Variants in TSPAN13 observed in about 807,000 individuals in gnomAD.
TSPAN13 encodes tetraspanin 13.
Under a neutral mutation model 26.9 loss-of-function variants are expected in TSPAN13, and 18 were observed. The ratio of observed to expected loss-of-function variants is 0.67; its 90% CI spans 0.46 to 0.99. The LOEUF (loss-of-function observed/expected upper bound fraction) is 0.99. TSPAN13 is among the 50% of genes least tolerant of loss of function. The probability of loss-of-function intolerance (pLI) is 0.00; values close to 1 mark genes in which losing one functional copy is unlikely to be tolerated. For missense variants in TSPAN13, 201 were observed against 249.6 expected, an observed-to-expected ratio of 0.81 and a Z score of 1.31; for synonymous variants, 116 against 98.4, an observed-to-expected ratio of 1.18 and a Z score of -1.06.
In TSPAN13 at chr7:16,777,818, T is replaced by A. The variant is rs1241566443; in HGVS notation, c.333T>A (p.Gly111=). The A allele has an allele frequency of 6.2e-7, 1 of 1,613,692 alleles. No individual in the cohort carries two copies. The highest frequency in any genetic ancestry group is 8.5e-7 in the Non-Finnish European group (1 of 1,179,714). Residue 111 remains glycine (G), a synonymous_variant, in exon 4 of 6, where the codon GGT becomes GGA. Transcript: ENST00000262067. ...QEQQGQLLEV[G]WNNTASARND... is the part of the protein sequence containing the mutation. The stretch of plus-strand genomic sequence containing the variant: ...ACTAGGGTCAGCTTCTGGAGGTTGG[T>A]TGGAACAATACGGCAAGTGCTCGAA...
chr7:16,760,676 T>A (rs1784532826), intron 1 of TSPAN13, among the ~76,000 whole-genome samples: 1 of 151,998 alleles, frequency 6.6e-6, no homozygotes, highest in Non-Finnish European at 1.5e-5. Flanking sequence ...CATTAAGAGA[T>A]TCAGGAGATG....
At chr7:16,773,233 C>A (rs1382119403) in intron 1 of TSPAN13, among the ~76,000 whole-genome samples, 1 of 151,094 alleles carries the variant, frequency 6.6e-6, no homozygotes. Flanking sequence ...TCTATACCGA[C>A]TTCTAGAGCA....
intron 5 of TSPAN13, among the ~76,000 whole-genome samples, chr7:16,781,179 CT>C (rs1232060480): frequency 6.6e-6 from 1 of 152,050 alleles, no homozygotes. Context: ...ACTTGAGAAA[CT>C]ACAAAAAATT....
At chr7:16,781,329 T>G (rs1289222520) in intron 5 of TSPAN13, among the ~76,000 whole-genome samples, 2 of 152,210 alleles carry the variant, frequency 1.3e-5, no homozygotes, top group African/African-American at 4.8e-5. Flanking sequence ...ATGTACTTTA[T>G]TTTTCTACAT....
Position 16,777,925 on chromosome 7 carries a change from A to G in TSPAN13, c.426+14A>G. 6.3e-7 allele frequency: 1 copy of G among 1,579,528 alleles called. No individual in the cohort carries two copies. The highest frequency in any genetic ancestry group is 8.7e-7 in the Non-Finnish European group (1 of 1,154,402). ...ACCTGTCTGGCTGTAAGTACATTGT[A>G]TAATATATGTTTTTGGAAATGTATT... On this transcript the variant is annotated intron_variant, in intron 4 of 5. Coordinates refer to ENST00000262067, the MANE Select transcript of TSPAN13 (RefSeq NM_014399.4).
chr7:16,783,230 G>A (rs1054595318), intron 5 of TSPAN13, among the ~76,000 whole-genome samples, 187 bp from the exon 6 acceptor site: 5 of 151,906 alleles, frequency 3.3e-5, no homozygotes, highest in African/African-American at 7.3e-5. Flanking sequence ...CACAGTGTTC[G>A]TTTTAATTTT....
chr7:16,782,000 T>C lies in TSPAN13; in HGVS notation c.541-1417T>C, dbSNP rs1437562480. Among the ~76,000 whole-genome samples, 3 of 152,226 alleles carry C rather than the reference T, an allele frequency of 2.0e-5. No individual in the cohort carries two copies. The East Asian group carries it at 5.8e-4, about 29-fold the overall frequency. ...AACATGGGCTCTACCACTGAGGACC[T>C]GTGTGATTATTTTGTTTAACCTCTT... On this transcript the variant is annotated intron_variant, in intron 5 of 5. Coordinates refer to ENST00000262067, the MANE Select transcript of TSPAN13 (RefSeq NM_014399.4).
chr7:16,754,064 G>A, intron 1 of TSPAN13, 34 bp downstream of exon 1: 1 of 1,607,570 alleles, frequency 6.2e-7, no homozygotes, highest in Non-Finnish European at 8.5e-7. Context: ...GCTCGCTTGG[G>A]GGCTTTGCAC....
Position 16,757,825 on chromosome 7 carries a change from A to G in TSPAN13, c.63+3795A>G, listed in dbSNP as rs1005079402. Among the ~76,000 whole-genome samples the G allele has an allele frequency of 4.6e-5, 7 of 152,146 alleles. No homozygotes were observed. In the East Asian group the frequency reaches 7.7e-4, roughly 17 times the overall value. On this transcript the variant is annotated intron_variant, in intron 1 of 5. Transcript: ENST00000262067. ...TTTATCACCTCTGAAGTTGGGATGC[A>G]TTTTATTGTTTCTATTTGTATTTTT...
At chr7:16,757,556 G>A (rs980176167) in intron 1 of TSPAN13, among the ~76,000 whole-genome samples, 4 of 152,068 alleles carry the variant, frequency 2.6e-5, no homozygotes, top group Admixed American at 2.6e-4. Flanking sequence ...TGAAAAATAT[G>A]ACCAAACATA....
At chr7:16,757,694 T>C (rs1784495956) in intron 1 of TSPAN13, among the ~76,000 whole-genome samples, 1 of 152,208 alleles carries the variant, frequency 6.6e-6, no homozygotes, top group Non-Finnish European at 1.5e-5. Flanking sequence ...TGTTTCTTTC[T>C]CTTTTTCGTG....
chr7:16,770,659 A>AT (rs1260902857), intron 1 of TSPAN13, among the ~76,000 whole-genome samples: 4 of 151,602 alleles, frequency 2.6e-5, no homozygotes, highest in Middle Eastern at 3.4e-3. Flanking sequence ...TCATTTTGTG[A>AT]TTTTTTGATT....
At chr7:16,779,803 G>A (rs28582757) in intron 5 of TSPAN13, among the ~76,000 whole-genome samples, 7,940 of 144,182 alleles carry the variant, frequency 0.055, 711 homozygotes, top group African/African-American at 0.19. Context: ...ATGGAGTCTT[G>A]CTCTGTCACC....
At chr7:16,767,666 A>G (rs113839929) in intron 1 of TSPAN13, among the ~76,000 whole-genome samples, 1,775 of 152,226 alleles carry the variant, frequency 0.012, 35 homozygotes, top group African/African-American at 0.041. Flanking sequence ...TCCTACTTGT[A>G]CACAAGTTTT....
At chr7:16,768,622 C>T (rs922177216) in intron 1 of TSPAN13, among the ~76,000 whole-genome samples, 22 of 152,126 alleles carry the variant, frequency 1.4e-4, no homozygotes, top group African/African-American at 4.8e-4. Context: ...TTTTTCCTTA[C>T]CCACAAAGTC....
chr7:16,779,520 T>C lies in TSPAN13; in HGVS notation c.540+404T>C, dbSNP rs1038926767. Among the ~76,000 whole-genome samples the C allele has an allele frequency of 3.9e-5, 6 of 152,138 alleles. No homozygotes were observed. In the South Asian group the frequency reaches 8.3e-4, roughly 21 times the overall value. ...TATAAAAAGATTATATATCTTTTTA[T>C]ATATATCTTGAAAAATTGCCTTCCT... On this transcript the variant is annotated intron_variant, in intron 5 of 5. Transcript: ENST00000262067.
chr7:16,781,230 A>T (rs1407099844), intron 5 of TSPAN13, among the ~76,000 whole-genome samples: 1 of 152,168 alleles, frequency 6.6e-6, no homozygotes, highest in East Asian at 1.9e-4. Context: ...AAAATTACCT[A>T]CTCAGAAACA....
intron 3 of TSPAN13, among the ~76,000 whole-genome samples, chr7:16,777,549 A>T (rs1029865234): frequency 1.3e-5 from 2 of 152,184 alleles, no homozygotes; most frequent in East Asian, 1.9e-4. Flanking sequence ...ATGCCTTTGA[A>T]CCAAGTGCTT....
Position 16,770,366 on chromosome 7 carries a change from C to T in TSPAN13, c.64-5845C>T, listed in dbSNP as rs373163489. The stretch of plus-strand genomic sequence containing the variant: ...GATTACAGGTGCCCACCATCACACC[C>T]GGCTATTTTTTAAAAAATATTTTGG... On this transcript the variant is annotated intron_variant, in intron 1 of 5. Coordinates refer to ENST00000262067, the MANE Select transcript of TSPAN13 (RefSeq NM_014399.4). Among the ~76,000 whole-genome samples the T allele has an allele frequency of 3.7e-3, 558 of 152,012 alleles. 4 individuals are homozygous for T. Among genetic ancestry groups the T allele is most frequent in the South Asian group, 3.7e-3 (18 of 4,822 alleles).
Sources: allele counts gnomAD v4.1 joint callset (sites outside exome capture counted in the v4.1 genomes callset), GRCh38; gene constraint gnomAD v4.1.1; transcripts MANE v1.5; gene names NCBI Gene and HGNC (gene_info 2026-07-23, HGNC 2026-07-21).